The following RNF180 variants were observed in gnomAD, a reference collection of about 807,000 sequenced individuals.
RNF180 encodes the protein E3 ubiquitin-protein ligase RNF180.
RNF180 carries 38 observed loss-of-function variants against 59.2 expected under a neutral mutation model. That is an observed-to-expected ratio of 0.64 (90% CI 0.50 to 0.84). RNF180 has a LOEUF of 0.84. Among genes scored for constraint, RNF180 ranks in the 40% least tolerant of loss-of-function variants. The pLI, the probability that RNF180 is intolerant of heterozygous loss-of-function variation, is 0.00. For missense variants in RNF180, 705 were observed against 700.9 expected, an observed-to-expected ratio of 1.01 and a Z score of -0.07; for synonymous variants, 262 against 240.3, an observed-to-expected ratio of 1.09 and a Z score of -0.84.
chr5:64,202,034 T>C (rs1751781589), intron 2 of RNF180, among the ~76,000 whole-genome samples: 1 of 152,098 alleles, frequency 6.6e-6, no homozygotes, highest in South Asian at 2.1e-4. Flanking sequence ...ATGCTAAGAG[T>C]ATTTTGGTGG....
chr5:64,367,835 C>T (rs1746508163), intron 7 of RNF180, among the ~76,000 whole-genome samples: 1 of 151,618 alleles, frequency 6.6e-6, no homozygotes, highest in Non-Finnish European at 1.5e-5. Flanking sequence ...TATGCTGTCC[C>T]TGTTCCCTAA....
At chr5:64,323,051 G>A (rs1289179396) in intron 5 of RNF180, among the ~76,000 whole-genome samples, 2 of 152,128 alleles carry the variant, frequency 1.3e-5, no homozygotes, top group African/African-American at 4.8e-5. Flanking sequence ...GCCAAAGAAT[G>A]AAAATAAGCA....
intron 7 of RNF180, among the ~76,000 whole-genome samples, chr5:64,332,852 AAG>A (rs1744966718): frequency 6.6e-6 from 1 of 152,176 alleles, no homozygotes; most frequent in South Asian, 2.1e-4. Context: ...ACTTCTGCAT[AAG>A]ACCAACAAAA....
intron 5 of RNF180, among the ~76,000 whole-genome samples, chr5:64,228,914 G>GC (rs1491270506): frequency 2.4e-5 from 3 of 127,584 alleles, no homozygotes; most frequent in Admixed American, 8.0e-5. Flanking sequence ...TTCTATTACT[G>GC]CTTTTTTTTT....
chr5:64,188,954 T>G (rs1490324692), intron 1 of RNF180, among the ~76,000 whole-genome samples: 1 of 151,952 alleles, frequency 6.6e-6, no homozygotes, highest in Non-Finnish European at 1.5e-5. Flanking sequence ...TTAAATGAGG[T>G]CACAGGGTGA....
At chr5:64,303,958 T>C (rs903664200) in intron 5 of RNF180, among the ~76,000 whole-genome samples, 2 of 151,672 alleles carry the variant, frequency 1.3e-5, no homozygotes, top group East Asian at 1.9e-4. Context: ...AGCTGGTGAC[T>C]AAGCAGAAGC....
At position 64,351,659 on chromosome 5, in the gene RNF180, T is replaced by A. The variant is rs1171970492; in HGVS notation, c.1580-17956T>A. ...AGGCCTTTTCTGCATCTATTGAGAT[T>A]ATCATATGGTTTTTGTCTTTGGTTC... On this transcript the variant is annotated intron_variant, in intron 7 of 7. Coordinates refer to ENST00000389100, the MANE Select transcript of RNF180 (RefSeq NM_001113561.2). Among the ~76,000 whole-genome samples the A allele has an allele frequency of 3.3e-5, 5 of 151,532 alleles. No individual in the cohort carries two copies. In the East Asian group the frequency reaches 5.8e-4, roughly 18 times the overall value.
intron 2 of RNF180, among the ~76,000 whole-genome samples, chr5:64,203,481 C>G (rs986385023): frequency 6.6e-6 from 1 of 152,074 alleles, no homozygotes; most frequent in Non-Finnish European, 1.5e-5. Context: ...TTGTCCTGCT[C>G]CCATCCCCAG....
At chr5:64,298,554 C>G (rs932977784) in intron 5 of RNF180, among the ~76,000 whole-genome samples, 1 of 151,968 alleles carries the variant, frequency 6.6e-6, no homozygotes. Flanking sequence ...GAATATAATG[C>G]CTTATTCTGC....
Position 64,330,369 on chromosome 5 carries a change from CCTACCAAG to C in RNF180, c.1545_1552del (p.Pro516GlnfsTer35). 1 of 1,541,544 alleles carries C rather than the reference CCTACCAAG, an allele frequency of 6.5e-7. No homozygotes were observed. The highest frequency in any genetic ancestry group is 1.2e-5 in the South Asian group (1 of 80,792). On this transcript the variant is annotated frameshift_variant, in exon 7 of 8. Coordinates refer to ENST00000389100, the MANE Select transcript of RNF180 (RefSeq NM_001113561.2). LOFTEE classifies it high-confidence loss of function. ...AGAAATCCAACTCTGCAAAATGGCCCCTACCAAGCTGCAGAAAAGCATTTCATCTTTTT... is the reference window on the plus strand; with the variant it reads ...AGAAATCCAACTCTGCAAAATGGCCCCTGCAGAAAAGCATTTCATCTTTTT...
At chr5:64,225,584 C>T (rs868377084) in intron 5 of RNF180, among the ~76,000 whole-genome samples, 3 of 135,922 alleles carry the variant, frequency 2.2e-5, no homozygotes, top group Non-Finnish European at 3.1e-5. Context: ...AGGAAGTGAG[C>T]GCCTCTGCCT....
chr5:64,311,950 G>T (rs1324099507), intron 5 of RNF180, among the ~76,000 whole-genome samples: 1 of 151,976 alleles, frequency 6.6e-6, no homozygotes, highest in Non-Finnish European at 1.5e-5. Context: ...CACTGGAAAA[G>T]ACCCTCTTTA....
At chr5:64,201,068 T>G in intron 2 of RNF180, 126 bp downstream of exon 2, 1 of 723,768 alleles carries the variant, frequency 1.4e-6, no homozygotes, top group South Asian at 3.2e-5. Flanking sequence ...CATGACTCTT[T>G]GTCTCTCACC....
At chr5:64,327,748 C>A (rs1413656726) in intron 6 of RNF180, among the ~76,000 whole-genome samples, 1 of 152,108 alleles carries the variant, frequency 6.6e-6, no homozygotes, top group African/African-American at 2.4e-5. Flanking sequence ...TAATCTACTG[C>A]TGTTGGGTGA....
intron 5 of RNF180, among the ~76,000 whole-genome samples, chr5:64,241,524 A>G (rs1742806340): frequency 1.3e-5 from 2 of 152,232 alleles, no homozygotes; most frequent in Middle Eastern, 3.2e-3. Context: ...TTTGAGCTGC[A>G]TATGATAACT....
rs1746600617 is a variant in RNF180 at position 64,369,849 on chromosome 5, A to T, written c.*35A>T. On this transcript the variant is annotated 3_prime_UTR_variant, in exon 8 of 8. Transcript: ENST00000389100. ...ACCTTACTACAATTGACCAATCATA[A>T]ATGATGTAAATAACAATTGCTTAAA... The T allele has an allele frequency of 2.6e-6, 3 of 1,137,636 alleles. No homozygotes were observed. The highest frequency in any genetic ancestry group is 2.3e-6 in the Non-Finnish European group (2 of 852,692). The allele number at this position is 1,137,636 out of a possible 1,614,324, so 70.5% of individuals were successfully genotyped here. A position where few individuals can be genotyped will look rare whatever the true frequency, so the allele number is the denominator to read the frequency against.
chr5:64,325,912 G>A (rs1231695096), intron 6 of RNF180, among the ~76,000 whole-genome samples: 2 of 151,948 alleles, frequency 1.3e-5, no homozygotes, highest in African/African-American at 4.8e-5. Context: ...ATTGGAGCAA[G>A]GATTTGTTGA....
chr5:64,349,751 T>C (rs1204372764), intron 7 of RNF180, among the ~76,000 whole-genome samples: 1 of 152,182 alleles, frequency 6.6e-6, no homozygotes, highest in Non-Finnish European at 1.5e-5. Context: ...TCCATGTCCC[T>C]ACAAAGGACG....
intron 5 of RNF180, among the ~76,000 whole-genome samples, chr5:64,233,377 T>A (rs1394737408): frequency 6.6e-6 from 1 of 152,164 alleles, no homozygotes; most frequent in East Asian, 1.9e-4. Flanking sequence ...GTTATAGGAC[T>A]GTGTAGCAAA....
Sources: gnomAD v4.1 joint callset for allele counts (sites outside exome capture counted in the v4.1 genomes callset) on GRCh38, gnomAD v4.1.1 for gene constraint, MANE v1.5 for transcripts, NCBI Gene and HGNC (gene_info 2026-07-23, HGNC 2026-07-21) for gene names.